The following FOLH1 variants were observed in gnomAD, a reference collection of about 807,000 sequenced individuals.
FOLH1 encodes the protein glutamate carboxypeptidase 2.
Under a neutral mutation model 93.9 loss-of-function variants are expected in FOLH1, and 54 were observed. That is an observed-to-expected ratio of 0.57 (90% confidence interval 0.46 to 0.72). The LOEUF is 0.72. Ranked by LOEUF, FOLH1 falls within the 30% of genes least tolerant of loss-of-function variation. FOLH1 has a pLI of 0.00. For missense variants in FOLH1, 571 were observed against 892.5 expected (o/e 0.64, Z 4.59); for synonymous variants, 249 against 303.6 (o/e 0.82, Z 1.87).
chr11:49,155,133 T>A (rs1308374584), intron 15 of FOLH1, among the ~76,000 whole-genome samples: 6 of 152,118 alleles, frequency 3.9e-5, no homozygotes, highest in Non-Finnish European at 1.5e-5. Flanking sequence ...GCTTATTTTT[T>A]ATTATTAATA....
chr11:49,192,540 A>C (rs1862192018), intron 4 of FOLH1, among the ~76,000 whole-genome samples: 2 of 152,234 alleles, frequency 1.3e-5, no homozygotes, highest in African/African-American at 2.4e-5. Flanking sequence ...AGATGTTGGC[A>C]TTTGTCAAAA....
intron 3 of FOLH1, among the ~76,000 whole-genome samples, chr11:49,197,544 C>T (rs1242430808): frequency 6.6e-6 from 1 of 152,274 alleles, no homozygotes; most frequent in East Asian, 1.9e-4. Context: ...GAAACAATGT[C>T]TCTGTATACA....
chr11:49,192,728 G>C (rs759153928), intron 4 of FOLH1, 65 bp downstream of exon 4: 2 of 1,386,436 alleles, frequency 1.4e-6, no homozygotes, highest in African/African-American at 2.9e-5. Context: ...TTAATTATCG[G>C]CTGAACATAT....
intron 13 of FOLH1, among the ~76,000 whole-genome samples, chr11:49,163,314 G>A (rs1857937373): frequency 6.6e-6 from 1 of 152,018 alleles, no homozygotes; most frequent in African/African-American, 2.4e-5. Flanking sequence ...TCCACCCATT[G>A]ATGAGGAACG....
chr11:49,169,985 T>C (rs1859036587), intron 11 of FOLH1, among the ~76,000 whole-genome samples: 1 of 152,030 alleles, frequency 6.6e-6, no homozygotes, highest in Admixed American at 6.5e-5. Flanking sequence ...TTCCAGATAG[T>C]GGCAAAATTC....
chr11:49,205,935 T>C, intron 2 of FOLH1, 132 bp downstream of exon 2: 1 of 960,510 alleles, frequency 1.0e-6, no homozygotes, highest in African/African-American at 1.7e-5. Context: ...TCAGATGAAA[T>C]GTGATCCAAG....
intron 12 of FOLH1, among the ~76,000 whole-genome samples, chr11:49,168,074 A>T (rs141519102): frequency 4.0e-5 from 6 of 151,374 alleles, no homozygotes; most frequent in African/African-American, 1.5e-4. Context: ...CCATACCACA[A>T]ATATTTATTT....
rs1235023168 is a variant in FOLH1 at position 49,171,265 on chromosome 11, C to T, written c.1238G>A (p.Arg413Lys). 6.3e-7 allele frequency: 1 copy of T among 1,582,480 alleles called. No individual in the cohort carries two copies. The highest frequency in any genetic ancestry group is 8.6e-7 in the Non-Finnish European group (1 of 1,166,644). Residue 413 changes from arginine to lysine, a missense_variant, in exon 11 of 19, where the codon AGA (arginine) becomes AAA (lysine). Physicochemically the swap from Arg to Lys is conservative, Grantham distance 26. Around this residue, in one of 2 missense-constraint regions of FOLH1, gnomAD observed 500 missense variants for 822.9 expected, o/e 0.61. Transcript: ENST00000256999. The part of the protein sequence containing the change: ...GTLKKEGWRP[R>K]RTILFASWDA... Reference sequence around the variant, plus strand: ...CCAGCTTGCAAACAAAATTGTTCTTCTAGGTCTCCACCCTAAAATGTATGT... The same window carrying T: ...CCAGCTTGCAAACAAAATTGTTCTTTTAGGTCTCCACCCTAAAATGTATGT...
At chr11:49,149,171 C>T (rs1856164713) in intron 17 of FOLH1, among the ~76,000 whole-genome samples, 1 of 151,866 alleles carries the variant, frequency 6.6e-6, no homozygotes, top group Admixed American at 6.6e-5. Context: ...AATGACGAGT[C>T]CTCTGTGGAA....
chr11:49,199,025 A>G (rs1862992423), intron 3 of FOLH1, among the ~76,000 whole-genome samples: 1 of 152,176 alleles, frequency 6.6e-6, no homozygotes, highest in Non-Finnish European at 1.5e-5. Flanking sequence ...CACTGACTGT[A>G]AAACATAACA....
intron 13 of FOLH1, among the ~76,000 whole-genome samples, chr11:49,160,960 A>G (rs191862601): frequency 6.6e-6 from 1 of 152,038 alleles, no homozygotes; most frequent in Non-Finnish European, 1.5e-5. Flanking sequence ...TGAATTTCTT[A>G]CTCTTGATTT....
At chr11:49,202,967 A>G (rs1161061644) in intron 2 of FOLH1, among the ~76,000 whole-genome samples, 4 of 152,232 alleles carry the variant, frequency 2.6e-5, no homozygotes, top group Non-Finnish European at 5.9e-5. Flanking sequence ...TCTGAGAGAG[A>G]TCTATGAATG....
chr11:49,167,009 T>C (rs1858484616), intron 12 of FOLH1, among the ~76,000 whole-genome samples: 3 of 149,050 alleles, frequency 2.0e-5, no homozygotes, highest in African/African-American at 7.3e-5. Flanking sequence ...TACTACAAGA[T>C]CTCATTTCAA....
chr11:49,190,497 T>A (rs1861913553), intron 4 of FOLH1, among the ~76,000 whole-genome samples: 1 of 152,224 alleles, frequency 6.6e-6, no homozygotes, highest in Admixed American at 6.5e-5. Flanking sequence ...TCCATCTCCC[T>A]AACTCTTATT....
intron 18 of FOLH1, 145 bp from the exon 19 acceptor site, chr11:49,147,090 T>A: frequency 1.8e-6 from 1 of 558,224 alleles, no homozygotes; most frequent in Non-Finnish European, 3.1e-6. Context: ...TTCAATCATC[T>A]CTGAAGACTA....
chr11:49,192,570 G>A (rs1382440117), intron 4 of FOLH1, among the ~76,000 whole-genome samples: 2 of 152,014 alleles, frequency 1.3e-5, no homozygotes, highest in Non-Finnish European at 2.9e-5. Context: ...TGTGCATTTG[G>A]GATTTGTGCA....
intron 3 of FOLH1, among the ~76,000 whole-genome samples, chr11:49,194,869 A>G (rs34966829): frequency 0.07 from 10,706 of 152,076 alleles, 428 homozygotes; most frequent in Middle Eastern, 0.11. Flanking sequence ...CTGTTTATAT[A>G]TGATAATAGG....
chr11:49,186,912 AT>A, intron 4 of FOLH1, 143 bp from the exon 5 acceptor site: 2 of 744,052 alleles, frequency 2.7e-6, no homozygotes, highest in South Asian at 6.9e-5. Context: ...CAAAGAAGAG[AT>A]TCAAGGGAAA....
chr11:49,165,397 T>C (rs925669767), intron 12 of FOLH1, among the ~76,000 whole-genome samples: 1 of 152,172 alleles, frequency 6.6e-6, no homozygotes, highest in Non-Finnish European at 1.5e-5. Context: ...AATGAATTTG[T>C]GAACCAGGTG....
Sources: allele counts gnomAD v4.1 joint callset (sites outside exome capture counted in the v4.1 genomes callset), GRCh38; gene constraint gnomAD v4.1.1; regional missense constraint gnomAD v4.1.1; transcripts MANE v1.5; gene names NCBI Gene and HGNC (gene_info 2026-07-23, HGNC 2026-07-21).